Variants in WNT5B observed in about 807,000 individuals in gnomAD.
The protein encoded by WNT5B is protein Wnt-5b.
A neutral mutation model predicts 36.5 loss-of-function variants in WNT5B; 18 were observed. The ratio of observed to expected loss-of-function variants is 0.49; its 90% confidence interval spans 0.34 to 0.73. The LOEUF is 0.73. Ranked by LOEUF, WNT5B falls within the 30% of genes least tolerant of loss-of-function variation. The pLI is 0.01. For missense variants in WNT5B, 424 were observed against 508.4 expected, an observed-to-expected ratio of 0.83 and a Z score of 1.60; for synonymous variants, 213 against 212.3, an observed-to-expected ratio of 1.00 and a Z score of -0.03.
At chr12:1,641,263 G>A (rs557359675) in intron 4 of WNT5B, among the ~76,000 whole-genome samples, 31 of 152,104 alleles carry the variant, frequency 2.0e-4, no homozygotes, top group Admixed American at 1.8e-3. Context: ...GCAGGCACCT[G>A]TAATCCCAGC....
rs1333351962 is a variant in WNT5B, at chr12:1,633,736, C to T, written c.328+831C>T. On this transcript the variant is annotated intron_variant, in intron 3 of 4. Transcript: ENST00000397196. The surrounding 1 kb of genome is among the most constrained non-coding windows in gnomAD (Gnocchi z 4.8). The stretch of plus-strand genomic sequence containing the variant: ...CCTTCTGCCTGACATTCTCCCAGAA[C>T]ACCTCCCTTCAAAAGGTTACCTGAG... Among the ~76,000 whole-genome samples, 10 of 152,238 alleles carry T rather than the reference C, an allele frequency of 6.6e-5. No homozygotes were observed. The highest frequency in any genetic ancestry group is 1.3e-4 in the Non-Finnish European group (9 of 68,038).
upstream of WNT5B, among the ~76,000 whole-genome samples, chr12:1,625,708 G>A (rs1306047804): frequency 6.6e-6 from 1 of 152,170 alleles, no homozygotes; most frequent in African/African-American, 2.4e-5. Context: ...TTGTCACACA[G>A]GCTGGAGTGC....
intron 1 of WNT5B, among the ~76,000 whole-genome samples, chr12:1,619,180 G>A (rs1307211869): frequency 8.0e-6 from 1 of 125,362 alleles, no homozygotes; most frequent in Non-Finnish European, 1.6e-5. Flanking sequence ...GAGAAACAAT[G>A]AGAAAAGACA....
chr12:1,645,469 G>T (rs569738932), intron 4 of WNT5B, among the ~76,000 whole-genome samples: 1 of 152,156 alleles, frequency 6.6e-6, no homozygotes, highest in Non-Finnish European at 1.5e-5. Flanking sequence ...TTTGTTTTCC[G>T]ATTGTGAAAA....
rs1413784442 is a variant in WNT5B at position 1,630,868 on chromosome 12, GTC to G, written c.-57-426_-57-425del. On this transcript the variant is annotated intron_variant, in intron 1 of 4. Transcript: ENST00000397196. The surrounding 1 kb of genome is among the most constrained non-coding windows in gnomAD (Gnocchi z 5.3). ...GAGAGCCTGAGGGTCAGAGAAATAAGTCTCTGGGCTGGAATGAGAGGTAGGCA... is the reference window on the plus strand; with the variant it reads ...GAGAGCCTGAGGGTCAGAGAAATAAGTCTGGGCTGGAATGAGAGGTAGGCA... The G allele has an allele frequency of 1.3e-5, 2 of 153,934 alleles. No individual in the cohort carries two copies. Among genetic ancestry groups the G allele is most frequent in the African/African-American group, 4.8e-5 (2 of 41,480 alleles). 9.5% of individuals were successfully genotyped at this position (153,934 alleles called of 1,614,324 possible). A position where few individuals can be genotyped will look rare whatever the true frequency, so the allele number is the denominator to read the frequency against.
intron 3 of WNT5B, among the ~76,000 whole-genome samples, chr12:1,636,772 A>G (rs1305142001): frequency 1.3e-5 from 2 of 151,710 alleles, no homozygotes; most frequent in Non-Finnish European, 2.9e-5. Flanking sequence ...CTGGAATGCA[A>G]TGGTGTGATC....
chr12:1,624,562 A>G (rs1442486004), upstream of WNT5B, among the ~76,000 whole-genome samples: 1 of 152,172 alleles, frequency 6.6e-6, no homozygotes, highest in Non-Finnish European at 1.5e-5. Context: ...TAATAATGGC[A>G]TATGCCACAA....
At position 1,639,680 on chromosome 12, in the gene WNT5B, G is replaced by A; in HGVS notation, c.329-4G>A. 6.5e-7 allele frequency: 1 copy of A among 1,541,166 alleles called. No homozygotes were observed. Among genetic ancestry groups the A allele is most frequent in the Non-Finnish European group, 8.7e-7 (1 of 1,153,186 alleles). On this transcript the variant is annotated splice_polypyrimidine_tract_variant and splice_region_variant and intron_variant, in intron 3 of 4. Coordinates refer to ENST00000397196, the MANE Select transcript of WNT5B (RefSeq NM_032642.3). ...CCGCTTACCGCCCTGGCCTCATTCT[G>A]CAGGCAGCCGAGAGACCGCCTTCAC...
intron 1 of WNT5B, 29 bp from the exon 2 acceptor site, chr12:1,631,269 C>CA: frequency 6.3e-7 from 1 of 1,577,198 alleles, no homozygotes. Flanking sequence ...TGAGTTTCCA[C>CA]ACTGACTCTC....
chr12:1,619,842 C>T (rs2094531495), intron 1 of WNT5B, among the ~76,000 whole-genome samples: 1 of 152,114 alleles, frequency 6.6e-6, no homozygotes, highest in Admixed American at 6.6e-5. Flanking sequence ...CCCCACCTGC[C>T]CTCAAATAGT....
At chr12:1,620,943 T>C (rs11061877) in intron 1 of WNT5B, among the ~76,000 whole-genome samples, 5 of 2,776 alleles carry the variant, frequency 1.8e-3, no homozygotes, top group Non-Finnish European at 3.4e-3. Context: ...CCTCGTAATC[T>C]GCCCGCCTCA....
At position 1,646,274 on chromosome 12, in the gene WNT5B, C is replaced by G. The variant is rs971362541; in HGVS notation, c.*22C>G. ...ATAGCCCGGAGGGCCTGCTCCCGGC[C>G]CCCCTGCACTCTGCCTCACAAAGGT... On this transcript the variant is annotated 3_prime_UTR_variant, in exon 5 of 5. Transcript: ENST00000397196. The G allele has an allele frequency of 6.3e-7, 1 of 1,578,210 alleles. No individual in the cohort carries two copies.
intron 1 of WNT5B, 22 bp from the exon 2 acceptor site, chr12:1,631,274 ACT>A: frequency 6.3e-7 from 1 of 1,581,488 alleles, no homozygotes; most frequent in Non-Finnish European, 8.6e-7. Flanking sequence ...TTCCACACTG[ACT>A]CTCCATTTCT....
upstream of WNT5B, among the ~76,000 whole-genome samples, chr12:1,627,539 G>C (rs2094542918): frequency 6.6e-6 from 1 of 152,162 alleles, no homozygotes; most frequent in African/African-American, 2.4e-5. This position sits in a 1 kb window ranked among gnomAD's most constrained non-coding sequence, Gnocchi z 5.0. Flanking sequence ...TCTCTTTTTG[G>C]TCTCTTAACT....
chr12:1,620,724 A>T (rs1165118622), intron 1 of WNT5B, among the ~76,000 whole-genome samples: 2 of 134,620 alleles, frequency 1.5e-5, no homozygotes, highest in Admixed American at 1.5e-4. Flanking sequence ...TTTTTTTTTT[A>T]GACGGAGTCT....
In WNT5B at chr12:1,646,040, C is replaced by G. The variant is rs757855572; in HGVS notation, c.868C>G (p.Arg290Gly). The G allele has an allele frequency of 6.2e-7, 1 of 1,613,230 alleles. No homozygotes were observed. The highest frequency in any genetic ancestry group is 8.5e-7 in the Non-Finnish European group (1 of 1,180,004). ...GGACCCCAGCCCCGACTACTGCCTG[C>G]GCAACGAGAGCACGGGCTCCCTGGG... ...YVDPSPDYCLRNESTGSLGTQ... is the reference protein window; with the variant it reads ...YVDPSPDYCLGNESTGSLGTQ... Residue 290 changes from arginine to glycine, a missense_variant, in exon 5 of 5, where the codon CGC becomes GGC. Physicochemically the swap from Arg to Gly is moderately radical, Grantham distance 125 (BLOSUM62 -2). Coordinates refer to ENST00000397196, the MANE Select transcript of WNT5B (RefSeq NM_032642.3).
intron 3 of WNT5B, among the ~76,000 whole-genome samples, chr12:1,638,911 G>A (rs1312892446): frequency 6.6e-6 from 1 of 152,230 alleles, no homozygotes; most frequent in Non-Finnish European, 1.5e-5. Context: ...TAGAGCGTGA[G>A]AAATGGCATC....
At chr12:1,623,187 G>GTTGTTTTTTTTTTTTTTT (rs1555156806) in intron 1 of WNT5B, among the ~76,000 whole-genome samples, 5 of 58,366 alleles carry the variant, frequency 8.6e-5, no homozygotes, top group African/African-American at 3.6e-4. Context: ...GTTTTTTGTT[G>GTTGTTTTTTTTTTTTTTT]TTTTTTTTTT....
intron 3 of WNT5B, among the ~76,000 whole-genome samples, chr12:1,637,010 A>AT (rs1176943829): frequency 6.6e-6 from 1 of 151,504 alleles, no homozygotes; most frequent in East Asian, 1.9e-4. Flanking sequence ...GCCCAGCTTA[A>AT]TTTTTTTCTT....
Sources: gnomAD v4.1 joint callset for allele counts (sites outside exome capture counted in the v4.1 genomes callset) on GRCh38, gnomAD v4.1.1 for gene constraint, Gnocchi (gnomAD v3.1) non-coding constraint, MANE v1.5 for transcripts, NCBI Gene and HGNC (gene_info 2026-07-23, HGNC 2026-07-21) for gene names.